DOCK7: variants seen among roughly 807,000 people sequenced by gnomAD.
The protein encoded by DOCK7 is dedicator of cytokinesis protein 7.
In DOCK7, 138 loss-of-function variants were observed where a neutral mutation model predicts 271.0. That is an observed-to-expected ratio of 0.51 (90% CI 0.44 to 0.59). The LOEUF (loss-of-function observed/expected upper bound fraction) is 0.59. Among genes scored for constraint, DOCK7 ranks in the 20% least tolerant of loss-of-function variants. The probability of loss-of-function intolerance (pLI) is 0.00; values close to 1 mark genes in which losing one functional copy is unlikely to be tolerated. For missense variants in DOCK7, 2,066 were observed against 2,592.4 expected (o/e 0.80, Z 4.41); for synonymous variants, 823 against 876.1 (o/e 0.94, Z 1.07).
intron 43 of DOCK7, chr1:62,483,302 A>G (rs1025681281): frequency 1.4e-5 from 2 of 146,004 alleles, no homozygotes; most frequent in Non-Finnish European, 3.0e-5. Flanking sequence ...TAATGTTGGG[A>G]TTACAGGTGT....
chr1:62,461,346 ATAAG>A (rs4019579), intron 48 of DOCK7, among the ~76,000 whole-genome samples: 3,775 of 152,252 alleles, frequency 0.025, 88 homozygotes, highest in Admixed American at 0.061. Flanking sequence ...ATTAGAATTA[ATAAG>A]TAAGTCTGGT....
At chr1:62,465,207 G>A (rs1458689573) in intron 48 of DOCK7, among the ~76,000 whole-genome samples, 2 of 152,198 alleles carry the variant, frequency 1.3e-5, no homozygotes, top group African/African-American at 2.4e-5. Context: ...TTATCTCCAG[G>A]TGAGCAGTTG....
At chr1:62,476,541 G>C (rs76049775) in intron 44 of DOCK7, among the ~76,000 whole-genome samples, 1 of 152,106 alleles carries the variant, frequency 6.6e-6, no homozygotes, top group Non-Finnish European at 1.5e-5. Flanking sequence ...ATTGTGGCTT[G>C]ATTTCTTAGA....
intron 43 of DOCK7, among the ~76,000 whole-genome samples, chr1:62,480,114 G>T (rs1646077497): frequency 6.6e-6 from 1 of 152,128 alleles, no homozygotes; most frequent in Admixed American, 6.5e-5. Context: ...AAACTTTCCA[G>T]TTTTCAATCT....
At chr1:62,606,748 A>G (rs758300442) in intron 14 of DOCK7, among the ~76,000 whole-genome samples, 7 of 152,010 alleles carry the variant, frequency 4.6e-5, no homozygotes, top group Admixed American at 2.6e-4. Context: ...TCTTTTCTAC[A>G]CTGACCCTCA....
intron 43 of DOCK7, chr1:62,486,723 T>A (rs1646304730): frequency 6.6e-6 from 1 of 152,126 alleles, no homozygotes; most frequent in Admixed American, 6.5e-5. Flanking sequence ...AATTTCTTTA[T>A]CCCTTTCCCC....
intron 22 of DOCK7, among the ~76,000 whole-genome samples, chr1:62,552,219 G>T (rs1645930442): frequency 6.6e-6 from 1 of 151,794 alleles, no homozygotes; most frequent in South Asian, 2.1e-4. Flanking sequence ...TGTGTGTGGG[G>T]GGTGGGGGAA....
intron 14 of DOCK7, chr1:62,609,385 C>A (rs1458663181): frequency 6.6e-6 from 1 of 152,096 alleles, no homozygotes; most frequent in African/African-American, 2.4e-5. Flanking sequence ...CAATAAATTA[C>A]TACCTTGAAG....
chr1:62,665,828 C>A (rs538869124), intron 1 of DOCK7, among the ~76,000 whole-genome samples: 2 of 151,182 alleles, frequency 1.3e-5, no homozygotes, highest in African/African-American at 4.8e-5. Context: ...GGGGCTAAAT[C>A]ATGAGTAAAC....
intron 23 of DOCK7, 41 bp from the exon 24 acceptor site, chr1:62,543,786 GTTTGCAGTGGATGAC>G (rs750397584): frequency 7.0e-7 from 1 of 1,437,024 alleles, no homozygotes; most frequent in East Asian, 2.3e-5. Context: ...TAACATTAAC[GTTTGCAGTGGATGAC>G]TTTGCAGCTG....
intron 18 of DOCK7, among the ~76,000 whole-genome samples, chr1:62,573,440 C>T (rs1031419753): frequency 4.6e-5 from 7 of 152,156 alleles, no homozygotes; most frequent in Admixed American, 3.3e-4. Context: ...AGAATGAAAC[C>T]ACCTAATTTT....
chr1:62,609,803 T>C (rs1472246235), intron 14 of DOCK7, among the ~76,000 whole-genome samples: 1 of 152,132 alleles, frequency 6.6e-6, no homozygotes, highest in East Asian at 1.9e-4. Flanking sequence ...GGTGGCTATG[T>C]TAAAATGTTA....
intron 48 of DOCK7, chr1:62,461,112 G>A (rs1345708747): frequency 6.6e-6 from 1 of 152,046 alleles, no homozygotes; most frequent in Non-Finnish European, 1.5e-5. Context: ...CAAATAGGTG[G>A]GTAGTCCTTT....
In DOCK7 at chr1:62,495,695, T is replaced by C; in HGVS notation, c.4924-14A>G. The C allele has an allele frequency of 6.4e-7, 1 of 1,562,580 alleles. No individual in the cohort carries two copies. Among genetic ancestry groups the C allele is most frequent in the Non-Finnish European group, 8.6e-7 (1 of 1,159,274 alleles). ...CAGATCCTGGACCTGCAGCAGAGAA[T>C]TATATGAAAAACATTCTTGAATTGT... is the stretch of plus-strand genomic sequence containing the variant. On this transcript the variant is annotated splice_polypyrimidine_tract_variant and intron_variant, in intron 38 of 49. Transcript: ENST00000635253.
chr1:62,519,755 T>C (rs1221866973), intron 31 of DOCK7, among the ~76,000 whole-genome samples: 1 of 151,942 alleles, frequency 6.6e-6, no homozygotes, highest in East Asian at 1.9e-4. Context: ...CTAAGTTGAA[T>C]AAATAAGATA....
chr1:62,639,594 C>A (rs139924819), intron 7 of DOCK7, among the ~76,000 whole-genome samples: 4 of 151,814 alleles, frequency 2.6e-5, no homozygotes, highest in Non-Finnish European at 5.9e-5. Context: ...GCCACCACAC[C>A]CAGCCAATTT....
intron 31 of DOCK7, among the ~76,000 whole-genome samples, chr1:62,523,432 T>G (rs1199669349): frequency 6.6e-6 from 1 of 152,180 alleles, no homozygotes; most frequent in African/African-American, 2.4e-5. Flanking sequence ...AGGTAGATTT[T>G]AATTTTAAAA....
chr1:62,512,082 C>T (rs1322725615), intron 33 of DOCK7, among the ~76,000 whole-genome samples: 1 of 152,018 alleles, frequency 6.6e-6, no homozygotes, highest in Non-Finnish European at 1.5e-5. Flanking sequence ...AAAAATGGTG[C>T]TCTATTAATT....
At chr1:62,640,556 G>T (rs1655892845) in intron 7 of DOCK7, among the ~76,000 whole-genome samples, 2 of 152,122 alleles carry the variant, frequency 1.3e-5, no homozygotes, top group Admixed American at 6.5e-5. Context: ...GTGTGTGTGT[G>T]TATTTGTTCC....
Sources: allele counts gnomAD v4.1 joint callset (sites outside exome capture counted in the v4.1 genomes callset), GRCh38; gene constraint gnomAD v4.1.1; transcripts MANE v1.5; gene names NCBI Gene and HGNC (gene_info 2026-07-23, HGNC 2026-07-21).